The following NTRK3 variants were observed in gnomAD, a reference collection of about 807,000 sequenced individuals.
The protein encoded by NTRK3 is neurotrophic receptor tyrosine kinase 3.
Under a neutral mutation model 91.7 loss-of-function variants are expected in NTRK3, and 24 were observed. The ratio of observed to expected loss-of-function variants is 0.26; its 90% confidence interval spans 0.19 to 0.37. The LOEUF (loss-of-function observed/expected upper bound fraction) is 0.37, where lower values mean the gene tolerates loss of function less well. Among genes scored for constraint, NTRK3 ranks in the 10% least tolerant of loss-of-function variants. The pLI is 1.00. For synonymous variants in NTRK3, 483 were observed against 404.0 expected, an observed-to-expected ratio of 1.20 and a Z score of -2.34; for missense variants, 880 against 1,068.9, an observed-to-expected ratio of 0.82 and a Z score of 2.46.
intron 5 of NTRK3, among the ~76,000 whole-genome samples, chr15:88,171,194 C>T (rs2045481608): frequency 6.6e-6 from 1 of 152,198 alleles, no homozygotes; most frequent in Non-Finnish European, 1.5e-5. Context: ...AAGCCATGCT[C>T]TAAATCCAGC....
intron 13 of NTRK3, among the ~76,000 whole-genome samples, chr15:88,084,791 C>T (rs1468068851): frequency 6.6e-6 from 1 of 152,180 alleles, no homozygotes; most frequent in African/African-American, 2.4e-5. Flanking sequence ...GCTTCTCATG[C>T]AGGCAACTCT....
intron 14 of NTRK3, among the ~76,000 whole-genome samples, chr15:87,986,016 C>T (rs1343536373): frequency 6.6e-6 from 1 of 152,156 alleles, no homozygotes; most frequent in Non-Finnish European, 1.5e-5. Context: ...GTGAAGTGAC[C>T]TCTTAGAATC....
chr15:88,175,129 A>G (rs2045879459), intron 5 of NTRK3, among the ~76,000 whole-genome samples: 1 of 152,228 alleles, frequency 6.6e-6, no homozygotes, highest in Admixed American at 6.5e-5. Context: ...AGCCTCTGTC[A>G]TTCCTGGTTT....
chr15:88,003,950 T>C (rs2076299279), intron 14 of NTRK3, among the ~76,000 whole-genome samples: 2 of 151,920 alleles, frequency 1.3e-5, no homozygotes, highest in South Asian at 4.2e-4. Context: ...TTGAAAACCC[T>C]TTCCCATTCA....
At chr15:88,087,823 T>G (rs548630099) in intron 13 of NTRK3, among the ~76,000 whole-genome samples, 1 of 152,176 alleles carries the variant, frequency 6.6e-6, no homozygotes, top group South Asian at 2.1e-4. Flanking sequence ...TCGAGGTGGG[T>G]GGATCACCTG....
chr15:88,163,231 C>T (rs1054086772), intron 5 of NTRK3, among the ~76,000 whole-genome samples: 4 of 152,162 alleles, frequency 2.6e-5, no homozygotes, highest in East Asian at 3.9e-4. Flanking sequence ...ATGAGGTCAA[C>T]GGCTCATTTG....
At chr15:88,183,902 T>A (rs1204477056) in intron 4 of NTRK3, among the ~76,000 whole-genome samples, 1 of 152,112 alleles carries the variant, frequency 6.6e-6, no homozygotes, top group Non-Finnish European at 1.5e-5. Flanking sequence ...ATGGGGCTCA[T>A]CAGTCAAGCA....
At chr15:88,056,826 T>C (rs1257935692) in intron 13 of NTRK3, among the ~76,000 whole-genome samples, 1 of 152,190 alleles carries the variant, frequency 6.6e-6, no homozygotes, top group East Asian at 1.9e-4. Flanking sequence ...TCCCTTCTGA[T>C]GATCAGCCTC....
intron 13 of NTRK3, among the ~76,000 whole-genome samples, chr15:88,035,850 C>G (rs919369558): frequency 1.3e-5 from 2 of 152,036 alleles, no homozygotes; most frequent in Non-Finnish European, 2.9e-5. Context: ...ATATTTAAAA[C>G]GTGAACAATT....
At chr15:88,153,202 C>T (rs535412859) in intron 5 of NTRK3, among the ~76,000 whole-genome samples, 1 of 152,304 alleles carries the variant, frequency 6.6e-6, no homozygotes, top group African/African-American at 2.4e-5. Flanking sequence ...TTCTTAAGAT[C>T]TAACATCATC....
chr15:88,104,946 G>A (rs528312199), intron 13 of NTRK3, among the ~76,000 whole-genome samples: 1 of 152,324 alleles, frequency 6.6e-6, no homozygotes, highest in South Asian at 2.1e-4. Context: ...CCCTTTGCTT[G>A]ATGAGACTCT....
At chr15:88,098,930 T>G (rs2049902744) in intron 13 of NTRK3, 1 of 232,460 alleles carries the variant, frequency 4.3e-6, no homozygotes, top group African/African-American at 2.2e-5. Flanking sequence ...AAAAAAGTCT[T>G]GATTACTGGG....
At chr15:87,860,328 TA>T in exon 19 of NTRK3, 1 of 215,138 alleles carries the variant, frequency 4.6e-6, no homozygotes, top group East Asian at 6.8e-5. Context: ...TAATACAATT[TA>T]AAAAAATAAT....
At chr15:88,051,277 T>A (rs916503252) in intron 13 of NTRK3, among the ~76,000 whole-genome samples, 2 of 152,174 alleles carry the variant, frequency 1.3e-5, no homozygotes, top group Non-Finnish European at 2.9e-5. Flanking sequence ...TTGAAGCATT[T>A]CTTGAACCTA....
At chr15:88,080,535 T>C (rs1052671628) in intron 13 of NTRK3, among the ~76,000 whole-genome samples, 6 of 152,260 alleles carry the variant, frequency 3.9e-5, no homozygotes, top group African/African-American at 1.4e-4. Flanking sequence ...GTTTATCTTC[T>C]TCATGCTGAT....
chr15:88,059,895 C>A (rs2046055362), intron 13 of NTRK3, among the ~76,000 whole-genome samples: 1 of 152,136 alleles, frequency 6.6e-6, no homozygotes, highest in South Asian at 2.1e-4. Context: ...GAGTTTAGGA[C>A]TAGACAGACA....
chr15:88,064,828 TACCC>T (rs1358049368), intron 13 of NTRK3, among the ~76,000 whole-genome samples: 2 of 152,172 alleles, frequency 1.3e-5, no homozygotes, highest in African/African-American at 4.8e-5. Flanking sequence ...CCTTCACCCT[TACCC>T]ACATGCAATG....
At chr15:88,051,512 C>G (rs1462057434) in intron 13 of NTRK3, among the ~76,000 whole-genome samples, 3 of 152,226 alleles carry the variant, frequency 2.0e-5, no homozygotes, top group African/African-American at 7.2e-5. Flanking sequence ...CAATGAGGAG[C>G]ATGTCTCAGT....
intron 17 of NTRK3, among the ~76,000 whole-genome samples, chr15:87,909,896 C>A (rs544453079): frequency 6.6e-6 from 1 of 152,306 alleles, no homozygotes; most frequent in Admixed American, 6.5e-5. Flanking sequence ...CCTGTTGGCA[C>A]CTTGGTCTTG....
Sources: gnomAD v4.1 joint callset for allele counts (sites outside exome capture counted in the v4.1 genomes callset) on GRCh38, gnomAD v4.1.1 for gene constraint, MANE v1.5 for transcripts, NCBI Gene and HGNC (gene_info 2026-07-23, HGNC 2026-07-21) for gene names.